ANK2: variants seen among roughly 807,000 people sequenced by gnomAD.
The protein encoded by ANK2 is ankyrin-2.
In ANK2, 83 loss-of-function variants were observed where a neutral mutation model predicts 360.5. That is an observed-to-expected ratio of 0.23 (90% CI 0.19 to 0.28). The LOEUF (loss-of-function observed/expected upper bound fraction) is 0.28. ANK2 is among the 10% of genes least tolerant of loss of function. The pLI, the probability that ANK2 is intolerant of heterozygous loss-of-function variation, is 1.00. For synonymous variants in ANK2, 1,740 were observed against 1,759.5 expected, an observed-to-expected ratio of 0.99 and a Z score of 0.28; for missense variants, 4,201 against 4,795.7, an observed-to-expected ratio of 0.88 and a Z score of 3.66.
chr4:112,731,358 G>A, the ANK2 span, among the ~76,000 whole-genome samples: 3 of 150,814 alleles, frequency 2.0e-5, no homozygotes, highest in Admixed American at 6.6e-5. Flanking sequence ...CTTGATTTAC[G>A]TATTTCACAG....
intron 10 of ANK2, among the ~76,000 whole-genome samples, chr4:113,250,590 C>T (rs1165797828): frequency 1.3e-5 from 2 of 152,110 alleles, no homozygotes; most frequent in Non-Finnish European, 2.9e-5. Context: ...TATTATCCAA[C>T]CCTACATTGG....
At position 113,318,433 on chromosome 4, in the gene ANK2, G is replaced by A. The variant is rs2272232; in HGVS notation, c.2797-84G>A. 2.7e-3 allele frequency: 2,973 copies of A among 1,111,646 alleles called. 85 individuals are homozygous for A. In the East Asian group the frequency reaches 0.059, roughly 22 times the overall value. The allele number at this position is 1,111,646 out of a possible 1,614,324, so 68.9% of individuals were successfully genotyped here. On this transcript the variant is annotated intron_variant, in intron 25 of 45. Transcript: ENST00000357077. ...TTTTTCTAGGTTATACCACTTTCCA[G>A]TGATGACACTTTTTATATTTTGTTA...
chr4:113,353,339 A>G lies in ANK2; in HGVS notation c.4721A>G (p.Asp1574Gly). ...CTGAGAAGTGGAACCTGCACAAGAGATGAAAGCAGTGTGCAGAGCTCTCGG... is the reference window on the plus strand; with the variant it reads ...CTGAGAAGTGGAACCTGCACAAGAGGTGAAAGCAGTGTGCAGAGCTCTCGG... Reference protein sequence around the residue: ...EILRSGTCTRDESSVQSSRSE... With the variant: ...EILRSGTCTRGESSVQSSRSE... The change falls in exon 38 of 46, where the codon GAT becomes GGT. Residue 1574 changes from aspartate (D) to glycine (G), a missense_variant. Asp to Gly is a moderately conservative substitution (Grantham distance 94). Transcript: ENST00000357077. 1 of 1,614,088 alleles carries G rather than the reference A, an allele frequency of 6.2e-7. No individual in the cohort carries two copies. The highest frequency in any genetic ancestry group is 1.3e-5 in the African/African-American group (1 of 75,060).
intron 13 of ANK2, among the ~76,000 whole-genome samples, chr4:113,259,783 T>C (rs1375624060): frequency 2.6e-5 from 4 of 151,496 alleles, no homozygotes; most frequent in African/African-American, 9.7e-5. Context: ...CCCCCCCCTT[T>C]TTTTTTTGAG....
intron 1 of ANK2, among the ~76,000 whole-genome samples, chr4:112,895,163 T>C (rs1329041897): frequency 6.6e-6 from 1 of 152,206 alleles, no homozygotes; most frequent in African/African-American, 2.4e-5. Context: ...AAATTCTTAA[T>C]GGAAATTTTT....
intron 2 of ANK2, among the ~76,000 whole-genome samples, chr4:113,025,198 C>T (rs1389472628): frequency 2.6e-5 from 4 of 152,256 alleles, no homozygotes; most frequent in East Asian, 1.9e-4. Flanking sequence ...AGTGTTCTAT[C>T]TATAGACACC....
chr4:112,978,352 TTAAAA>T (rs1231640243), intron 2 of ANK2, among the ~76,000 whole-genome samples: 10 of 152,358 alleles, frequency 6.6e-5, no homozygotes, highest in East Asian at 3.9e-4. Flanking sequence ...TAAGATATAC[TTAAAA>T]TAAAACTTCC....
chr4:112,761,888 A>G, the ANK2 span, among the ~76,000 whole-genome samples: 2 of 152,238 alleles, frequency 1.3e-5, no homozygotes, highest in East Asian at 1.9e-4. Flanking sequence ...GGTTCTGAAT[A>G]ACATAGTACG....
rs2062868223 is a variant in ANK2, at chr4:113,282,677, T to C, written c.1884T>C (p.Asn628=). 3.1e-6 allele frequency: 5 copies of C among 1,610,880 alleles called. No homozygotes were observed. The highest frequency in any genetic ancestry group is 4.2e-6 in the Non-Finnish European group (5 of 1,177,872). Reference sequence around the variant, plus strand: ...TGTTTTATTTTTGTTCTTTTTAGAATGGCTATACTCCGTTACATATTGCTG... The same window carrying C: ...TGTTTTATTTTTGTTCTTTTTAGAACGGCTATACTCCGTTACATATTGCTG... The part of the protein sequence containing the change: ...KGASPHATAK[N]GYTPLHIAAK... Residue 628 remains asparagine, a splice_region_variant and synonymous_variant, in exon 18 of 46, where the codon AAT becomes AAC. Coordinates refer to ENST00000357077, the MANE Select transcript of ANK2 (RefSeq NM_001148.6).
intron 21 of ANK2, 65 bp downstream of exon 21, chr4:113,292,579 C>G: frequency 5.5e-6 from 8 of 1,446,486 alleles, no homozygotes; most frequent in Non-Finnish European, 7.6e-6. Flanking sequence ...CTGGTGGCTT[C>G]TTGTCTGAGC....
intron 2 of ANK2, among the ~76,000 whole-genome samples, chr4:113,012,975 C>T (rs1436880303): frequency 3.3e-5 from 5 of 152,038 alleles, no homozygotes; most frequent in African/African-American, 9.7e-5. Flanking sequence ...GCTTTGTGGG[C>T]GTGAGTTGTG....
chr4:112,739,350 T>C, the ANK2 span, among the ~76,000 whole-genome samples: 2 of 152,186 alleles, frequency 1.3e-5, no homozygotes, highest in Non-Finnish European at 2.9e-5. Flanking sequence ...CTGTGGCTCA[T>C]GCCTGTAAGT....
At chr4:112,933,503 C>CTT (rs530916525) in intron 2 of ANK2, among the ~76,000 whole-genome samples, 52 of 143,926 alleles carry the variant, frequency 3.6e-4, no homozygotes, top group Admixed American at 7.6e-4. Flanking sequence ...CAGTCTAATT[C>CTT]TTTTTTTTTT....
intron 6 of ANK2, 49 bp downstream of exon 6, chr4:113,237,221 A>G: frequency 6.4e-7 from 1 of 1,569,898 alleles, no homozygotes; most frequent in Non-Finnish European, 8.8e-7. Flanking sequence ...TGGCTGCCAG[A>G]CTCCTCCTGG....
At chr4:113,185,168 A>G (rs983585182) in intron 2 of ANK2, among the ~76,000 whole-genome samples, 1 of 152,170 alleles carries the variant, frequency 6.6e-6, no homozygotes, top group Non-Finnish European at 1.5e-5. Flanking sequence ...ATGAACACAC[A>G]TGTGCATGTG....
intron 22 of ANK2, among the ~76,000 whole-genome samples, chr4:113,293,821 C>G (rs1252000795): frequency 1.3e-5 from 2 of 152,126 alleles, no homozygotes; most frequent in Non-Finnish European, 2.9e-5. Flanking sequence ...TTCTTATTTT[C>G]TGGCTTCTGT....
At chr4:112,959,933 A>G (rs2154259877) in intron 2 of ANK2, among the ~76,000 whole-genome samples, 1 of 152,306 alleles carries the variant, frequency 6.6e-6, no homozygotes, top group Admixed American at 6.5e-5. Context: ...TCCAGAGGCC[A>G]AGGCTTAGCC....
chr4:113,259,780 CT>C (rs1264412948), intron 13 of ANK2, among the ~76,000 whole-genome samples: 53 of 141,846 alleles, frequency 3.7e-4, no homozygotes, highest in Non-Finnish European at 5.1e-4. Flanking sequence ...CATCCCCCCC[CT>C]TTTTTTTTTG....
chr4:112,927,307 A>C (rs2092687561), intron 2 of ANK2, among the ~76,000 whole-genome samples: 2 of 152,206 alleles, frequency 1.3e-5, no homozygotes. Flanking sequence ...ATATCATCTT[A>C]TATTGGTATG....
Sources: gnomAD v4.1 joint callset for allele counts (sites outside exome capture counted in the v4.1 genomes callset) on GRCh38, gnomAD v4.1.1 for gene constraint, MANE v1.5 for transcripts, NCBI Gene and HGNC (gene_info 2026-07-23, HGNC 2026-07-21) for gene names.